Variants in DIP2C observed in about 807,000 individuals in gnomAD.
DIP2C encodes disco-interacting protein 2 homolog C.
In DIP2C, 33 loss-of-function variants were observed where a neutral mutation model predicts 192.4. That is an observed-to-expected ratio of 0.17 (90% CI 0.13 to 0.23). The LOEUF (loss-of-function observed/expected upper bound fraction) is 0.23, where lower values mean the gene tolerates loss of function less well. Among genes scored for constraint, DIP2C ranks in the 10% least tolerant of loss-of-function variants. DIP2C has a pLI of 1.00. For missense variants in DIP2C, 1,537 were observed against 2,110.1 expected, an observed-to-expected ratio of 0.73 and a Z score of 5.32; for synonymous variants, 979 against 864.1, an observed-to-expected ratio of 1.13 and a Z score of -2.33.
At chr10:518,214 C>T (rs1172242044) in intron 1 of DIP2C, among the ~76,000 whole-genome samples, 2 of 152,242 alleles carry the variant, frequency 1.3e-5, no homozygotes, top group Non-Finnish European at 2.9e-5. Context: ...TCTGCTGACC[C>T]GTCAGTTCCA....
At chr10:460,738 CA>C (rs1332182299) in intron 3 of DIP2C, among the ~76,000 whole-genome samples, 3 of 152,060 alleles carry the variant, frequency 2.0e-5, no homozygotes, top group Non-Finnish European at 4.4e-5. Flanking sequence ...AAAGCAACCC[CA>C]AGACACATAA....
intron 1 of DIP2C, among the ~76,000 whole-genome samples, chr10:497,582 A>G (rs1844927032): frequency 6.6e-6 from 1 of 152,204 alleles, no homozygotes; most frequent in Admixed American, 6.5e-5. Context: ...ACGCTCATAC[A>G]AGGAATCCAA....
chr10:419,030 A>C, intron 6 of DIP2C, 35 bp downstream of exon 6: 1 of 1,613,988 alleles, frequency 6.2e-7, no homozygotes, highest in African/African-American at 1.3e-5. Flanking sequence ...CAAACCGTTT[A>C]CCAGAAAAAA....
intron 1 of DIP2C, among the ~76,000 whole-genome samples, chr10:593,132 C>T (rs1350011778): frequency 6.6e-6 from 1 of 152,078 alleles, no homozygotes; most frequent in Non-Finnish European, 1.5e-5. Flanking sequence ...GTCCCCACAC[C>T]TTTGAGGGCA....
At chr10:368,675 T>C (rs1295289599) in intron 18 of DIP2C, among the ~76,000 whole-genome samples, 4 of 152,228 alleles carry the variant, frequency 2.6e-5, no homozygotes, top group Non-Finnish European at 5.9e-5. Flanking sequence ...GGGTCCCTGC[T>C]GAGGCCCACC....
chr10:384,456 T>C (rs1474269166), intron 15 of DIP2C, 90 bp downstream of exon 15: 2 of 1,331,644 alleles, frequency 1.5e-6, no homozygotes, highest in Non-Finnish European at 2.1e-6. Context: ...CCGGGTGGTC[T>C]GGAACTCCTG....
At chr10:547,895 A>ACC (rs1365147137) in intron 1 of DIP2C, among the ~76,000 whole-genome samples, 10 of 151,762 alleles carry the variant, frequency 6.6e-5, no homozygotes, top group African/African-American at 2.4e-4. Flanking sequence ...ACACCACCCC[A>ACC]CCCGCAGCTG....
At chr10:571,956 A>G (rs1849841507) in intron 1 of DIP2C, among the ~76,000 whole-genome samples, 2 of 152,256 alleles carry the variant, frequency 1.3e-5, no homozygotes, top group South Asian at 4.1e-4. Flanking sequence ...TTACAAAAGA[A>G]CCATAAGCAT....
At chr10:594,640 G>A (rs1446611797) in intron 1 of DIP2C, among the ~76,000 whole-genome samples, 1 of 150,226 alleles carries the variant, frequency 6.7e-6, no homozygotes, top group Non-Finnish European at 1.5e-5. Context: ...AGGGCACGTG[G>A]TGCTTTCTCG....
rs1369466910 is a variant in DIP2C, at chr10:608,103, G to GAACACACACACCACACACACAGCCCC, written c.85+81365_85+81390dup. On this transcript the variant is annotated intron_variant, in intron 1 of 36. Coordinates refer to ENST00000280886, the MANE Select transcript of DIP2C (RefSeq NM_014974.3). ...TACCTCCCTCTCATAACCTAAAAAGGAACACACACACCACACACACAGCCC... is the reference window on the plus strand; with the variant it reads ...TACCTCCCTCTCATAACCTAAAAAGGAACACACACACCACACACACAGCCCCAACACACACACCACACACACAGCCC... 4.2e-5 allele frequency among the ~76,000 whole-genome samples: 6 copies of GAACACACACACCACACACACAGCCCC among 143,312 alleles called. No individual in the cohort carries two copies. In the South Asian group the frequency reaches 6.6e-4, roughly 16 times the overall value. 94.0% of individuals were successfully genotyped at this position (143,312 alleles called of 152,430 possible).
At position 497,176 on chromosome 10, in the gene DIP2C, G is replaced by A. The variant is rs148906872; in HGVS notation, c.86-10646C>T. 2.7e-3 allele frequency among the ~76,000 whole-genome samples: 416 copies of A among 152,272 alleles called. 1 individual carries two copies. The highest frequency in any genetic ancestry group is 9.3e-3 in the African/African-American group (387 of 41,556). On this transcript the variant is annotated intron_variant, in intron 1 of 36. Coordinates refer to ENST00000280886, the MANE Select transcript of DIP2C (RefSeq NM_014974.3). Reference sequence around the variant, plus strand: ...CCTTACTCACAATACCCCAAACAACGTGAGTGCTATGTAAATGGTGGGTGT... The same window carrying A: ...CCTTACTCACAATACCCCAAACAACATGAGTGCTATGTAAATGGTGGGTGT...
chr10:280,641 GAC>G lies in DIP2C; in HGVS notation c.4418+557_4418+558del, dbSNP rs199759861. Reference sequence around the variant, plus strand: ...ACAGATTAAATGGGCCAGAGAGAAAGACAAAGTCCCAGCCTCAGAGTCCTCAC... The same window carrying G: ...ACAGATTAAATGGGCCAGAGAGAAAGAAAGTCCCAGCCTCAGAGTCCTCAC... On this transcript the variant is annotated intron_variant, in intron 36 of 36. Transcript: ENST00000280886. Among the ~76,000 whole-genome samples, 106 of 152,340 alleles carry G rather than the reference GAC, an allele frequency of 7.0e-4. No individual in the cohort carries two copies. In the East Asian group the frequency reaches 0.019, roughly 27 times the overall value.
Position 487,567 on chromosome 10 carries a change from G to GTTTTTTTTTT in DIP2C, c.86-1047_86-1038dup, listed in dbSNP as rs71376836. 7.4e-5 allele frequency among the ~76,000 whole-genome samples: 4 copies of GTTTTTTTTTT among 54,164 alleles called. 1 individual carries two copies. The highest frequency in any genetic ancestry group is 3.2e-4 in the African/African-American group (4 of 12,556). The allele number at this position is 54,164 out of a possible 152,430, so 35.5% of individuals were successfully genotyped here. ...AACCCGCATCCGCCCATCAATGAGT[G>GTTTTTTTTTT]TTTTTTTTTTTTTTTTTTTTTTTTT... On this transcript the variant is annotated intron_variant, in intron 1 of 36. Transcript: ENST00000280886.
intron 1 of DIP2C, among the ~76,000 whole-genome samples, chr10:506,545 C>T (rs778651562): frequency 2.0e-5 from 3 of 152,126 alleles, no homozygotes; most frequent in Admixed American, 6.5e-5. Context: ...GTGATGGGGA[C>T]GCTGAATGAT....
intron 1 of DIP2C, among the ~76,000 whole-genome samples, chr10:576,212 G>A (rs1032801499): frequency 1.3e-5 from 2 of 152,224 alleles, no homozygotes; most frequent in Admixed American, 6.5e-5. Flanking sequence ...GGGTTCTCCT[G>A]GGACTCCCAG....
chr10:577,822 TG>T (rs1327640846), intron 1 of DIP2C, among the ~76,000 whole-genome samples: 1 of 143,158 alleles, frequency 7.0e-6, no homozygotes, highest in Non-Finnish European at 1.5e-5. Context: ...TGTTTTTTTG[TG>T]TTTTTTTTTT....
At chr10:425,954 C>T (rs531973964) in intron 4 of DIP2C, among the ~76,000 whole-genome samples, 1 of 152,258 alleles carries the variant, frequency 6.6e-6, no homozygotes. Flanking sequence ...AGATGGAGAA[C>T]AAGACAAAGA....
chr10:686,836 C>T (rs1436743162), intron 1 of DIP2C, among the ~76,000 whole-genome samples: 1 of 152,274 alleles, frequency 6.6e-6, no homozygotes, highest in Non-Finnish European at 1.5e-5. Flanking sequence ...GCCCAGCAGG[C>T]GGGCACAGCA....
intron 1 of DIP2C, among the ~76,000 whole-genome samples, chr10:649,181 C>G (rs1380543597): frequency 2.0e-5 from 3 of 150,812 alleles, no homozygotes; most frequent in African/African-American, 7.3e-5. Flanking sequence ...AAACTGAGTC[C>G]ACGTCCACAT....
Sources: gnomAD v4.1 joint callset for allele counts (sites outside exome capture counted in the v4.1 genomes callset) on GRCh38, gnomAD v4.1.1 for gene constraint, MANE v1.5 for transcripts, NCBI Gene and HGNC (gene_info 2026-07-23, HGNC 2026-07-21) for gene names.